The following PPP1R12B variants were observed in gnomAD, a reference collection of about 807,000 sequenced individuals.
PPP1R12B encodes the protein protein phosphatase 1 regulatory subunit 12B, also known as myosin phosphatase target subunit 2.
Under a neutral mutation model 126.1 loss-of-function variants are expected in PPP1R12B, and 76 were observed. The ratio of observed to expected loss-of-function variants is 0.60; its 90% CI spans 0.50 to 0.73. PPP1R12B has a LOEUF of 0.73. PPP1R12B is among the 30% of genes least tolerant of loss of function. The pLI is 0.00. For missense variants in PPP1R12B, 1,052 were observed against 1,205.1 expected (o/e 0.87, Z 1.88); for synonymous variants, 356 against 434.7 (o/e 0.82, Z 2.25).
rs56752885 is a variant in PPP1R12B at position 202,555,325 on chromosome 1, G to GAAAAAAAAAAAAAA, written c.2491-3537_2491-3524dup. On this transcript the variant is annotated intron_variant, in intron 18 of 23. Transcript: ENST00000608999. Reference sequence around the variant, plus strand: ...AAAACCCTAATTTTCCTGTTTTAATGAAAAAAAAAAAAAAAAAAAAAAAAA... The same window carrying GAAAAAAAAAAAAAA: ...AAAACCCTAATTTTCCTGTTTTAATGAAAAAAAAAAAAAAAAAAAAAAAAAAAAAAAAAAAAAAA... 1.1e-3 allele frequency among the ~76,000 whole-genome samples: 29 copies of GAAAAAAAAAAAAAA among 25,354 alleles called. 6 individuals are homozygous for GAAAAAAAAAAAAAA. Among genetic ancestry groups the GAAAAAAAAAAAAAA allele is most frequent in the East Asian group, 2.1e-3 (1 of 466 alleles). The allele number at this position is 25,354 out of a possible 152,430, so 16.6% of individuals were successfully genotyped here.
At chr1:202,450,177 A>G (rs1672764716) in intron 13 of PPP1R12B, among the ~76,000 whole-genome samples, 1 of 152,256 alleles carries the variant, frequency 6.6e-6, no homozygotes. Flanking sequence ...GCTCAAAGAA[A>G]TAGAACTAGG....
intron 18 of PPP1R12B, among the ~76,000 whole-genome samples, chr1:202,507,260 T>G (rs1388986433): frequency 6.6e-6 from 1 of 152,236 alleles, no homozygotes; most frequent in Non-Finnish European, 1.5e-5. Flanking sequence ...GGTAACTATA[T>G]GATGCATCCA....
intron 1 of PPP1R12B, 72 bp from the exon 2 acceptor site, chr1:202,416,715 C>T (rs1379008076): frequency 5.7e-6 from 8 of 1,395,062 alleles, no homozygotes; most frequent in Non-Finnish European, 8.0e-6. Flanking sequence ...TGTCAGTGCC[C>T]AGAGCAGTGT....
chr1:202,430,461 C>CTT (rs3835140), intron 6 of PPP1R12B, among the ~76,000 whole-genome samples: 25 of 150,024 alleles, frequency 1.7e-4, no homozygotes, highest in East Asian at 5.9e-4. Flanking sequence ...AGAATCTAGA[C>CTT]TTTTTTTTTT....
chr1:202,497,874 G>T (rs1324920909), intron 18 of PPP1R12B, among the ~76,000 whole-genome samples: 2 of 152,156 alleles, frequency 1.3e-5, no homozygotes, highest in Non-Finnish European at 2.9e-5. Context: ...TTTGGAGATA[G>T]GAAGAGTGAA....
chr1:202,492,142 A>T (rs1678960491), intron 14 of PPP1R12B, among the ~76,000 whole-genome samples: 1 of 152,066 alleles, frequency 6.6e-6, no homozygotes, highest in Non-Finnish European at 1.5e-5. Flanking sequence ...AGTGTTCGGT[A>T]TTCATCCTAT....
At chr1:202,367,303 C>G (rs1331532251) in intron 1 of PPP1R12B, among the ~76,000 whole-genome samples, 1 of 152,154 alleles carries the variant, frequency 6.6e-6, no homozygotes, top group Non-Finnish European at 1.5e-5. Flanking sequence ...TAGTTGGTTT[C>G]TAATCCTGGT....
chr1:202,368,692 T>C (rs942134378), intron 1 of PPP1R12B, among the ~76,000 whole-genome samples: 2 of 152,174 alleles, frequency 1.3e-5, no homozygotes, highest in Non-Finnish European at 2.9e-5. Context: ...TATTCTTTAT[T>C]TGATATATAT....
chr1:202,498,874 T>G (rs1227730594), intron 18 of PPP1R12B, among the ~76,000 whole-genome samples: 1 of 152,206 alleles, frequency 6.6e-6, no homozygotes, highest in African/African-American at 2.4e-5. Context: ...TTCTTGGTTT[T>G]TAGTTCAATA....
chr1:202,588,826 G>GATAGATAGATAGAT lies in PPP1R12B; in HGVS notation c.*8268_*8281dup, dbSNP rs1689977479. The GATAGATAGATAGAT allele has an allele frequency of 8.3e-6, 1 of 120,298 alleles. No homozygotes were observed. The highest frequency in any genetic ancestry group is 1.7e-5 in the Non-Finnish European group (1 of 58,968). The allele number at this position is 120,298 out of a possible 1,614,324, so 7.5% of individuals were successfully genotyped here. A position where few individuals can be genotyped will look rare whatever the true frequency, so the allele number is the denominator to read the frequency against. On this transcript the variant is annotated 3_prime_UTR_variant, in exon 24 of 24. Transcript: ENST00000608999. ...AGATTGGCGTTCAAAAGAACCGTAA[G>GATAGATAGATAGAT]ATAGATAGATAGATAGATAGATAGA...
intron 1 of PPP1R12B, among the ~76,000 whole-genome samples, chr1:202,372,998 T>G (rs1346575567): frequency 6.6e-6 from 1 of 151,950 alleles, no homozygotes; most frequent in Non-Finnish European, 1.5e-5. Flanking sequence ...ACACTGGCAC[T>G]ATCTTGGCTC....
At chr1:202,478,855 G>T (rs969106420) in intron 13 of PPP1R12B, among the ~76,000 whole-genome samples, 30 of 152,086 alleles carry the variant, frequency 2.0e-4, no homozygotes. Flanking sequence ...GTTTTTATGA[G>T]CTCTGTTTCT....
At chr1:202,355,255 C>G (rs546388253) in intron 1 of PPP1R12B, among the ~76,000 whole-genome samples, 5 of 152,074 alleles carry the variant, frequency 3.3e-5, no homozygotes, top group African/African-American at 1.2e-4. Context: ...TCTTAATTAA[C>G]AACTAATATT....
intron 8 of PPP1R12B, among the ~76,000 whole-genome samples, chr1:202,432,902 T>G (rs376271231): frequency 1.3e-5 from 2 of 152,324 alleles, no homozygotes; most frequent in African/African-American, 4.8e-5. Flanking sequence ...GGCCACCAGC[T>G]CCTGATGAGG....
At chr1:202,402,019 G>A (rs1445297535) in intron 1 of PPP1R12B, among the ~76,000 whole-genome samples, 1 of 152,228 alleles carries the variant, frequency 6.6e-6, no homozygotes, top group African/African-American at 2.4e-5. Flanking sequence ...TGCTCTGGGA[G>A]GCTGGGATTT....
At chr1:202,536,396 G>A (rs980589178) in intron 18 of PPP1R12B, among the ~76,000 whole-genome samples, 5 of 152,102 alleles carry the variant, frequency 3.3e-5, no homozygotes, top group African/African-American at 4.8e-5. Flanking sequence ...CATAGAAAAG[G>A]TATTGTAAAA....
chr1:202,499,143 A>G (rs1387871756), intron 18 of PPP1R12B, among the ~76,000 whole-genome samples: 1 of 152,216 alleles, frequency 6.6e-6, no homozygotes, highest in Non-Finnish European at 1.5e-5. Context: ...AAAACGTTTC[A>G]TCATTAACGC....
intron 2 of PPP1R12B, chr1:202,417,137 C>T (rs375005130): frequency 9.8e-6 from 8 of 812,862 alleles, no homozygotes; most frequent in Non-Finnish European, 1.2e-5. Flanking sequence ...TTGTTTGCTT[C>T]TATTTTCAGG....
chr1:202,588,873 A>G lies in PPP1R12B; in HGVS notation c.*8313A>G, dbSNP rs532115792. The G allele has an allele frequency of 3.4e-5, 4 of 116,414 alleles. No homozygotes were observed. In the East Asian group the frequency reaches 8.9e-4, roughly 26 times the overall value. The allele number at this position is 116,414 out of a possible 1,614,324, so 7.2% of individuals were successfully genotyped here. On this transcript the variant is annotated 3_prime_UTR_variant, in exon 24 of 24. Transcript: ENST00000608999. Reference sequence around the variant, plus strand: ...TAGATAGATAGATAGATAGATAGATATCAAGGTTCCAAGCTTCAAGTAACC... The same window carrying G: ...TAGATAGATAGATAGATAGATAGATGTCAAGGTTCCAAGCTTCAAGTAACC...
Sources: allele counts gnomAD v4.1 joint callset (sites outside exome capture counted in the v4.1 genomes callset), GRCh38; gene constraint gnomAD v4.1.1; transcripts MANE v1.5; gene names NCBI Gene and HGNC (gene_info 2026-07-23, HGNC 2026-07-21).